Variants in MACROD2 observed in about 807,000 individuals in gnomAD.
The protein encoded by MACROD2 is mono-ADP ribosylhydrolase 2, also known as ADP-ribose glycohydrolase MACROD2.
In MACROD2, 36 loss-of-function variants were observed where a neutral mutation model predicts 70.4. The observed-to-expected ratio is 0.51, with a 90% CI of 0.39 to 0.68. MACROD2 has a LOEUF of 0.68. Among genes scored for constraint, MACROD2 ranks in the 30% least tolerant of loss-of-function variants. MACROD2 has a pLI of 0.00. For missense variants in MACROD2, 496 were observed against 538.4 expected, an observed-to-expected ratio of 0.92 and a Z score of 0.78; for synonymous variants, 172 against 178.8, an observed-to-expected ratio of 0.96 and a Z score of 0.30.
At chr20:14,035,803 A>G (rs2053299731) in intron 2 of MACROD2, among the ~76,000 whole-genome samples, 1 of 152,242 alleles carries the variant, frequency 6.6e-6, no homozygotes, top group Admixed American at 6.5e-5. Flanking sequence ...AGTAGTATAG[A>G]TAAACAAAAT....
At chr20:15,587,809 C>T (rs903800333) in intron 8 of MACROD2, among the ~76,000 whole-genome samples, 4 of 152,188 alleles carry the variant, frequency 2.6e-5, no homozygotes, top group South Asian at 2.1e-4. Context: ...CTGTCCCTGT[C>T]GCTTTGCAGG....
chr20:15,349,347 T>C (rs1243805773), intron 6 of MACROD2, among the ~76,000 whole-genome samples: 2 of 152,228 alleles, frequency 1.3e-5, no homozygotes, highest in Non-Finnish European at 1.5e-5. Context: ...CCATGTGTTA[T>C]TACCTAGGTA....
chr20:14,798,002 G>A (rs114587022), intron 5 of MACROD2, among the ~76,000 whole-genome samples: 1,557 of 152,166 alleles, frequency 0.01, 29 homozygotes, highest in African/African-American at 0.035. Context: ...TTCTGTGTAT[G>A]CAAAGGTCAG....
At chr20:14,817,680 T>C (rs538269122) in intron 5 of MACROD2, among the ~76,000 whole-genome samples, 2 of 152,270 alleles carry the variant, frequency 1.3e-5, no homozygotes, top group South Asian at 4.1e-4. Flanking sequence ...CATAAAATAC[T>C]GATAGGGATC....
chr20:15,351,907 T>C (rs556339935), intron 6 of MACROD2, among the ~76,000 whole-genome samples: 1 of 152,280 alleles, frequency 6.6e-6, no homozygotes, highest in African/African-American at 2.4e-5. Flanking sequence ...TCAAATAACA[T>C]GTGGCTTCAG....
intron 5 of MACROD2, among the ~76,000 whole-genome samples, chr20:14,891,667 G>A (rs6042970): frequency 0.19 from 28,694 of 151,994 alleles, 2,895 homozygotes; most frequent in African/African-American, 0.22. Context: ...AAAACAGAGG[G>A]AACAGTGCTA....
chr20:14,335,740 C>G (rs1319095522), intron 3 of MACROD2, among the ~76,000 whole-genome samples: 1 of 152,088 alleles, frequency 6.6e-6, no homozygotes, highest in Non-Finnish European at 1.5e-5. Flanking sequence ...TAATATTTTG[C>G]TGATCCTTGG....
At chr20:15,458,351 T>C (rs2046758353) in intron 7 of MACROD2, among the ~76,000 whole-genome samples, 1 of 152,158 alleles carries the variant, frequency 6.6e-6, no homozygotes, top group Non-Finnish European at 1.5e-5. Context: ...GCCTCATTTT[T>C]ATGGTCAAAC....
intron 5 of MACROD2, among the ~76,000 whole-genome samples, chr20:14,877,726 A>T (rs887840930): frequency 1.3e-5 from 2 of 152,064 alleles, no homozygotes; most frequent in Non-Finnish European, 2.9e-5. Context: ...ATCTATTGAG[A>T]GGATCATATG....
chr20:14,553,518 T>G (rs1048381850), intron 4 of MACROD2, among the ~76,000 whole-genome samples: 21 of 152,114 alleles, frequency 1.4e-4, no homozygotes, highest in East Asian at 5.8e-4. Context: ...TCAATTATTA[T>G]GTACTGTAAA....
chr20:15,851,059 A>G (rs1387657192), intron 8 of MACROD2, among the ~76,000 whole-genome samples: 1 of 152,086 alleles, frequency 6.6e-6, no homozygotes, highest in African/African-American at 2.4e-5. Flanking sequence ...AAAAATGGGC[A>G]TGGGAAGAAA....
intron 6 of MACROD2, among the ~76,000 whole-genome samples, chr20:15,397,248 T>A (rs1237789402): frequency 6.6e-6 from 1 of 152,224 alleles, no homozygotes; most frequent in Non-Finnish European, 1.5e-5. Flanking sequence ...TCATGTATAC[T>A]GTAGATACTA....
chr20:14,130,949 G>C (rs1314107648), intron 3 of MACROD2, among the ~76,000 whole-genome samples: 1 of 103,254 alleles, frequency 9.7e-6, no homozygotes, highest in African/African-American at 4.0e-5. Context: ...TTTTTTTCTT[G>C]AGACAGGCTC....
intron 4 of MACROD2, among the ~76,000 whole-genome samples, chr20:14,558,323 T>C (rs1979190300): frequency 6.6e-6 from 1 of 151,696 alleles, no homozygotes; most frequent in Non-Finnish European, 1.5e-5. Flanking sequence ...ATCGTGTATT[T>C]TTAAAGGGCC....
chr20:15,013,571 A>G (rs1023885380), intron 5 of MACROD2, among the ~76,000 whole-genome samples: 3 of 152,060 alleles, frequency 2.0e-5, no homozygotes, highest in African/African-American at 7.2e-5. Context: ...TGACTGATCA[A>G]AGTAGGGGTA....
At chr20:14,255,097 T>C (rs377251767) in intron 3 of MACROD2, among the ~76,000 whole-genome samples, 92 of 152,266 alleles carry the variant, frequency 6.0e-4, no homozygotes, top group Non-Finnish European at 1.1e-3. Context: ...GAGTTTCTGC[T>C]GAGAGATCCG....
chr20:15,430,703 C>T (rs2046354058), intron 6 of MACROD2, among the ~76,000 whole-genome samples: 2 of 151,880 alleles, frequency 1.3e-5, no homozygotes, highest in South Asian at 2.1e-4. Context: ...AAAAGGGGTA[C>T]ATATTATATA....
chr20:15,121,513 C>CAAAAA (rs5840653), intron 5 of MACROD2, among the ~76,000 whole-genome samples: 4 of 122,054 alleles, frequency 3.3e-5, no homozygotes, highest in East Asian at 2.3e-4. Flanking sequence ...AACTCTGCCT[C>CAAAAA]AAAAAAAAAA....
intron 6 of MACROD2, among the ~76,000 whole-genome samples, chr20:15,247,958 A>G (rs2077121262): frequency 1.3e-5 from 2 of 152,276 alleles, no homozygotes; most frequent in African/African-American, 4.8e-5. Flanking sequence ...TTGGCTTCCC[A>G]AAGTGCTGGG....
Sources: allele counts gnomAD v4.1 joint callset (sites outside exome capture counted in the v4.1 genomes callset), GRCh38; gene constraint gnomAD v4.1.1; transcripts MANE v1.5; gene names NCBI Gene and HGNC (gene_info 2026-07-23, HGNC 2026-07-21).